The following LINGO2 variants were observed in gnomAD, a reference collection of about 807,000 sequenced individuals.
LINGO2 encodes the protein leucine rich repeat and Ig domain containing 2, also known as leucine-rich repeat and immunoglobulin-like domain-containing nogo receptor-interacting protein 2.
Under a neutral mutation model 30.6 loss-of-function variants are expected in LINGO2, and 14 were observed. The ratio of observed to expected loss-of-function variants is 0.46; its 90% CI spans 0.30 to 0.72. The LOEUF (loss-of-function observed/expected upper bound fraction) is 0.72. LINGO2 is among the 30% of genes least tolerant of loss of function. LINGO2 has a pLI of 0.07. For synonymous variants in LINGO2, 317 were observed against 288.5 expected (o/e 1.10, Z -1.00); for missense variants, 729 against 751.7 (o/e 0.97, Z 0.35).
At chr9:28,632,346 C>G (rs1405557855) in intron 1 of LINGO2, among the ~76,000 whole-genome samples, 1 of 151,910 alleles carries the variant, frequency 6.6e-6, no homozygotes, top group Non-Finnish European at 1.5e-5. Context: ...GAAACTGCAA[C>G]TATTGGCTTG....
the LINGO2 span, among the ~76,000 whole-genome samples, chr9:29,000,811 A>G: frequency 1.3e-5 from 2 of 152,054 alleles, no homozygotes; most frequent in East Asian, 3.9e-4. Context: ...CTGCTGTGCA[A>G]AGACTCTGTA....
chr9:28,524,783 C>T (rs1450001016), intron 1 of LINGO2, among the ~76,000 whole-genome samples: 2 of 151,882 alleles, frequency 1.3e-5, no homozygotes, highest in Non-Finnish European at 2.9e-5. Context: ...TAAATCAAGG[C>T]AAAGACTTGA....
intron 4 of LINGO2, among the ~76,000 whole-genome samples, chr9:28,279,953 T>A (rs1823259979): frequency 6.6e-6 from 1 of 152,172 alleles, no homozygotes; most frequent in African/African-American, 2.4e-5. Context: ...TTATGTGTTT[T>A]TATTTTGTCT....
intron 2 of LINGO2, among the ~76,000 whole-genome samples, chr9:28,431,456 A>C (rs147261830): frequency 6.6e-6 from 1 of 152,336 alleles, no homozygotes; most frequent in African/African-American, 2.4e-5. Flanking sequence ...AAATAATTGG[A>C]AATGATTGAT....
intron 1 of LINGO2, among the ~76,000 whole-genome samples, chr9:28,498,865 A>G (rs1230659721): frequency 6.6e-6 from 1 of 152,184 alleles, no homozygotes; most frequent in East Asian, 1.9e-4. Context: ...TAAGACCATA[A>G]AAATATAAGA....
chr9:28,514,638 C>G (rs1458194403), intron 1 of LINGO2, among the ~76,000 whole-genome samples: 2 of 152,088 alleles, frequency 1.3e-5, no homozygotes, highest in Non-Finnish European at 1.5e-5. Context: ...AAATTAGAGG[C>G]TAGTAGATGT....
chr9:28,438,606 A>G (rs140170040), intron 2 of LINGO2, among the ~76,000 whole-genome samples: 2 of 152,004 alleles, frequency 1.3e-5, no homozygotes, highest in Non-Finnish European at 2.9e-5. Flanking sequence ...TTCTAGCGTA[A>G]ATTTCCTTTT....
intron 4 of LINGO2, among the ~76,000 whole-genome samples, chr9:28,174,026 A>G (rs888570925): frequency 2.0e-5 from 3 of 152,206 alleles, no homozygotes; most frequent in Non-Finnish European, 2.9e-5. Flanking sequence ...TTTTCACTAC[A>G]AATAAAGGAC....
At chr9:28,642,692 G>A (rs2135940393) in intron 1 of LINGO2, among the ~76,000 whole-genome samples, 1 of 152,104 alleles carries the variant, frequency 6.6e-6, no homozygotes, top group Admixed American at 6.5e-5. Context: ...GACACACATG[G>A]GGCATAAGAT....
At chr9:27,978,452 G>A (rs2118869850) in intron 5 of LINGO2, among the ~76,000 whole-genome samples, 1 of 152,126 alleles carries the variant, frequency 6.6e-6, no homozygotes, top group African/African-American at 2.4e-5. Context: ...TCATGAGGGT[G>A]AAGTCCTAAT....
intron 1 of LINGO2, among the ~76,000 whole-genome samples, chr9:28,555,789 C>A (rs988633414): frequency 7.9e-5 from 12 of 152,014 alleles, no homozygotes; most frequent in Admixed American, 7.9e-4. Context: ...CATCAAAAAG[C>A]TTATCCACCA....
intron 4 of LINGO2, among the ~76,000 whole-genome samples, chr9:28,034,564 G>A (rs1388167145): frequency 1.3e-5 from 2 of 152,138 alleles, no homozygotes; most frequent in Non-Finnish European, 2.9e-5. Context: ...GAAGGATAGG[G>A]CTTTGCAAGT....
chr9:29,040,565 T>TA, the LINGO2 span, among the ~76,000 whole-genome samples: 46 of 145,656 alleles, frequency 3.2e-4, no homozygotes, highest in East Asian at 2.0e-3. Flanking sequence ...GACGCCTCTT[T>TA]AAAAAAAAAA....
chr9:28,909,174 GT>G, the LINGO2 span, among the ~76,000 whole-genome samples: 1 of 151,842 alleles, frequency 6.6e-6, no homozygotes, highest in African/African-American at 2.4e-5. Context: ...TGATAGATGT[GT>G]TGTATGTAGT....
intron 4 of LINGO2, among the ~76,000 whole-genome samples, chr9:28,223,360 G>A (rs996537451): frequency 3.9e-5 from 6 of 152,128 alleles, no homozygotes; most frequent in Admixed American, 6.5e-5. Context: ...GAAGGCATAA[G>A]GGCAAGAGAA....
At chr9:28,308,790 T>G (rs543776331) in intron 3 of LINGO2, among the ~76,000 whole-genome samples, 1 of 152,138 alleles carries the variant, frequency 6.6e-6, no homozygotes, top group African/African-American at 2.4e-5. Context: ...CAGACTCTTC[T>G]CAAAAGAAGA....
intron 4 of LINGO2, among the ~76,000 whole-genome samples, chr9:28,168,129 G>C (rs1171366203): frequency 6.6e-6 from 1 of 152,212 alleles, no homozygotes; most frequent in Non-Finnish European, 1.5e-5. Context: ...ATGAGAAATT[G>C]GTGTGCAGTG....
chr9:29,052,440 G>A, the LINGO2 span, among the ~76,000 whole-genome samples: 3 of 152,196 alleles, frequency 2.0e-5, no homozygotes, highest in South Asian at 6.2e-4. Flanking sequence ...ATCTCCAAGG[G>A]CAGGAGAGTA....
chr9:28,927,032 T>A, the LINGO2 span, among the ~76,000 whole-genome samples: 1 of 152,196 alleles, frequency 6.6e-6, no homozygotes, highest in African/African-American at 2.4e-5. Context: ...TATCCCAAAT[T>A]ATTGATTTAT....
Sources: allele counts gnomAD v4.1 joint callset (sites outside exome capture counted in the v4.1 genomes callset), GRCh38; gene constraint gnomAD v4.1.1; transcripts MANE v1.5; gene names NCBI Gene and HGNC (gene_info 2026-07-23, HGNC 2026-07-21).